The following SEMA3C variants were observed in gnomAD, a reference collection of about 807,000 sequenced individuals.
The protein encoded by SEMA3C is semaphorin-3C.
In SEMA3C, 47 loss-of-function variants were observed where a neutral mutation model predicts 89.4. The ratio of observed to expected loss-of-function variants is 0.53; its 90% CI spans 0.42 to 0.67. The LOEUF is 0.67. SEMA3C is among the 30% of genes least tolerant of loss of function. The pLI is 0.00. For synonymous variants in SEMA3C, 310 were observed against 320.2 expected, an observed-to-expected ratio of 0.97 and a Z score of 0.34; for missense variants, 839 against 929.1, an observed-to-expected ratio of 0.90 and a Z score of 1.26.
At chr7:80,892,824 G>A (rs1413718058) in intron 2 of SEMA3C, among the ~76,000 whole-genome samples, 2 of 152,000 alleles carry the variant, frequency 1.3e-5, no homozygotes, top group South Asian at 2.1e-4. Context: ...TGTATTTGAT[G>A]TTTTTTTCCT....
chr7:80,772,255 A>G (rs764972707), intron 12 of SEMA3C, among the ~76,000 whole-genome samples: 2 of 152,194 alleles, frequency 1.3e-5, no homozygotes, highest in Non-Finnish European at 2.9e-5. Flanking sequence ...AGGTAATCAA[A>G]CTGCTGCTAA....
At chr7:80,878,668 G>A (rs541928123) in intron 2 of SEMA3C, among the ~76,000 whole-genome samples, 1 of 152,062 alleles carries the variant, frequency 6.6e-6, no homozygotes, top group Non-Finnish European at 1.5e-5. Flanking sequence ...TGTTCAATTA[G>A]GTGTCCAGTA....
chr7:80,853,401 T>C (rs143485768), intron 2 of SEMA3C, among the ~76,000 whole-genome samples: 2 of 152,164 alleles, frequency 1.3e-5, no homozygotes, highest in Non-Finnish European at 2.9e-5. Context: ...ATAAAGAAAA[T>C]GTGGTACATA....
chr7:80,878,381 A>C (rs1002486205), intron 2 of SEMA3C, among the ~76,000 whole-genome samples: 1 of 152,224 alleles, frequency 6.6e-6, no homozygotes, highest in Non-Finnish European at 1.5e-5. Context: ...TCCGTCTCAA[A>C]AAACAAACAA....
At chr7:80,847,265 A>C (rs1790411402) in intron 2 of SEMA3C, 1 of 152,156 alleles carries the variant, frequency 6.6e-6, no homozygotes, top group Non-Finnish European at 1.5e-5. Context: ...CTCACCACAG[A>C]GCAAATTTGA....
chr7:80,821,512 C>T (rs905479195), intron 4 of SEMA3C, among the ~76,000 whole-genome samples: 4 of 152,100 alleles, frequency 2.6e-5, no homozygotes, highest in African/African-American at 9.7e-5. Context: ...CTCCGCTTCC[C>T]GGGTTCAAGA....
chr7:80,863,699 ATATGTGATATATATAT>A (rs1790833388), intron 2 of SEMA3C, among the ~76,000 whole-genome samples: 1 of 149,322 alleles, frequency 6.7e-6, no homozygotes, highest in Non-Finnish European at 1.5e-5. Context: ...ACACACATAT[ATATGTGATATATATAT>A]CACAGATATA....
intron 4 of SEMA3C, among the ~76,000 whole-genome samples, chr7:80,818,806 A>T (rs1263961708): frequency 6.6e-6 from 1 of 152,200 alleles, no homozygotes; most frequent in Non-Finnish European, 1.5e-5. Flanking sequence ...TTGGGGAACT[A>T]TTAGTATATT....
At chr7:80,819,046 G>A (rs939509359) in intron 4 of SEMA3C, among the ~76,000 whole-genome samples, 1 of 152,180 alleles carries the variant, frequency 6.6e-6, no homozygotes, top group African/African-American at 2.4e-5. Context: ...ATTGAACAGA[G>A]TTGTCATACA....
chr7:80,749,852 T>C (rs1336973652), intron 16 of SEMA3C, among the ~76,000 whole-genome samples: 3 of 152,094 alleles, frequency 2.0e-5, no homozygotes, highest in Admixed American at 2.0e-4. Context: ...TTAGCTCAGG[T>C]TCTGACACAA....
chr7:80,777,544 G>A (rs1264948113), intron 12 of SEMA3C, among the ~76,000 whole-genome samples: 3 of 152,080 alleles, frequency 2.0e-5, no homozygotes, highest in Non-Finnish European at 2.9e-5. Flanking sequence ...CACCGACCTC[G>A]GCCTCCCAAA....
rs928942739 is a variant in SEMA3C at position 80,849,969 on chromosome 7, A to G, written c.104-21224T>C. Among the ~76,000 whole-genome samples, 5 of 152,160 alleles carry G rather than the reference A, an allele frequency of 3.3e-5. No individual in the cohort carries two copies. The South Asian group carries it at 1.0e-3, about 31-fold the overall frequency. On this transcript the variant is annotated intron_variant, in intron 2 of 17. Coordinates refer to ENST00000265361, the MANE Select transcript of SEMA3C (RefSeq NM_006379.5). ...ACTAATTTAAAAAAATACAAACTAA[A>G]ATAAAATGGGCAATGCTTCAAATAA... is the stretch of plus-strand genomic sequence containing the variant.
chr7:80,869,564 A>G (rs1372580652), intron 2 of SEMA3C, among the ~76,000 whole-genome samples: 1 of 152,200 alleles, frequency 6.6e-6, no homozygotes, highest in Non-Finnish European at 1.5e-5. Context: ...AAAGGAATTC[A>G]TATTTATTGA....
chr7:80,922,260 C>G (rs1347928806), upstream of SEMA3C: 4 of 1,288,830 alleles, frequency 3.1e-6, no homozygotes, highest in Non-Finnish European at 4.0e-6. Flanking sequence ...AATACTTCCT[C>G]TTACCTTTTT....
chr7:80,854,608 T>A (rs1790590540), intron 2 of SEMA3C, among the ~76,000 whole-genome samples: 1 of 152,198 alleles, frequency 6.6e-6, no homozygotes, highest in Non-Finnish European at 1.5e-5. Flanking sequence ...TTAATATTAG[T>A]ACAGGTATAC....
chr7:80,907,536 A>G (rs1394603557), intron 2 of SEMA3C, among the ~76,000 whole-genome samples: 1 of 152,060 alleles, frequency 6.6e-6, no homozygotes, highest in Non-Finnish European at 1.5e-5. Flanking sequence ...GGACCAACAA[A>G]GTTGGAGGCT....
intron 10 of SEMA3C, among the ~76,000 whole-genome samples, chr7:80,800,058 C>G (rs1373309553): frequency 1.3e-5 from 2 of 148,306 alleles, no homozygotes; most frequent in Non-Finnish European, 3.0e-5. Flanking sequence ...GAGGCTGAGG[C>G]AGGAGAACGG....
intron 2 of SEMA3C, among the ~76,000 whole-genome samples, chr7:80,865,066 C>T (rs7779457): frequency 0.017 from 2,562 of 152,214 alleles, 78 homozygotes; most frequent in African/African-American, 0.057. Flanking sequence ...CAATCTTAAT[C>T]ATTTGTGGCA....
intron 4 of SEMA3C, among the ~76,000 whole-genome samples, chr7:80,824,915 A>G (rs1270116104): frequency 2.0e-5 from 3 of 152,180 alleles, no homozygotes; most frequent in South Asian, 2.1e-4. Context: ...TCTGAATATC[A>G]GTGTATATAT....
Sources: allele counts gnomAD v4.1 joint callset (sites outside exome capture counted in the v4.1 genomes callset), GRCh38; gene constraint gnomAD v4.1.1; transcripts MANE v1.5; gene names NCBI Gene and HGNC (gene_info 2026-07-23, HGNC 2026-07-21).